Variants in SGK3 observed in about 807,000 individuals in gnomAD.
SGK3 encodes serine/threonine-protein kinase Sgk3.
In SGK3, 47 loss-of-function variants were observed where a neutral mutation model predicts 68.5. That is an observed-to-expected ratio of 0.69 (90% confidence interval 0.54 to 0.87). The LOEUF (loss-of-function observed/expected upper bound fraction) is 0.87. Among genes scored for constraint, SGK3 ranks in the 40% least tolerant of loss-of-function variants. The probability of loss-of-function intolerance (pLI) is 0.00; values close to 1 mark genes in which losing one functional copy is unlikely to be tolerated. For synonymous variants in SGK3, 181 were observed against 189.1 expected, an observed-to-expected ratio of 0.96 and a Z score of 0.35; for missense variants, 479 against 575.5, an observed-to-expected ratio of 0.83 and a Z score of 1.72.
intron 4 of SGK3, among the ~76,000 whole-genome samples, 174 bp downstream of exon 4, chr8:66,804,621 A>C (rs762661427): frequency 1.3e-5 from 2 of 152,220 alleles, no homozygotes; most frequent in Non-Finnish European, 2.9e-5. Context: ...TAAGTACTTC[A>C]TGTGTTTTAA....
chr8:66,790,437 A>G (rs528116639), intron 1 of SGK3, among the ~76,000 whole-genome samples: 6 of 152,336 alleles, frequency 3.9e-5, no homozygotes, highest in African/African-American at 1.4e-4. Context: ...GGGGTTCAGC[A>G]TTCTTAGCCT....
intron 4 of SGK3, among the ~76,000 whole-genome samples, chr8:66,807,609 CA>C (rs34796708): frequency 3.2e-4 from 48 of 152,204 alleles, no homozygotes; most frequent in Admixed American, 7.2e-4. Flanking sequence ...AAGTCAAATT[CA>C]GAAAAACAGA....
intron 1 of SGK3, among the ~76,000 whole-genome samples, chr8:66,780,670 CGAGA>C (rs2130524815): frequency 6.6e-6 from 1 of 152,166 alleles, no homozygotes; most frequent in East Asian, 1.9e-4. Context: ...AACACAGAGG[CGAGA>C]GGCCCTGGTG....
At position 66,845,693 on chromosome 8, in the gene SGK3, C is replaced by CTTATTTATTTAT. The variant is rs59371496; in HGVS notation, c.1075-1467_1075-1456dup. Among the ~76,000 whole-genome samples the CTTATTTATTTAT allele has an allele frequency of 5.8e-3, 805 of 139,830 alleles. 5 individuals are homozygous for CTTATTTATTTAT. The highest frequency in any genetic ancestry group is 7.7e-3 in the Admixed American group (106 of 13,722). The allele number at this position is 139,830 out of a possible 152,430, so 91.7% of individuals were successfully genotyped here. A position where few individuals can be genotyped will look rare whatever the true frequency, so the allele number is the denominator to read the frequency against. On this transcript the variant is annotated intron_variant, in intron 14 of 16. Transcript: ENST00000521198. ...GGCATGCACCACCCCACCTAGCTTGCTTATTTATTTATTTATTTATTTATT... is the reference window on the plus strand; with the variant it reads ...GGCATGCACCACCCCACCTAGCTTGCTTATTTATTTATTTATTTATTTATTTATTTATTTATT...
intron 1 of SGK3, among the ~76,000 whole-genome samples, chr8:66,779,587 T>G (rs1345119647): frequency 1.8e-4 from 25 of 135,840 alleles, no homozygotes; most frequent in African/African-American, 6.0e-4. Context: ...TATATATATA[T>G]ATATATATAT....
intron 16 of SGK3, among the ~76,000 whole-genome samples, chr8:66,852,223 G>A (rs552032224): frequency 4.7e-5 from 7 of 149,678 alleles, no homozygotes; most frequent in Non-Finnish European, 8.9e-5. Flanking sequence ...GATCATAGGT[G>A]AATTTATTTT....
chr8:66,843,575 A>C (rs748924139), intron 14 of SGK3, 28 bp downstream of exon 14: 1 of 1,594,402 alleles, frequency 6.3e-7, no homozygotes, highest in East Asian at 2.2e-5. Context: ...TCATTATTCC[A>C]ATGTATTATC....
chr8:66,815,211 A>T (rs1432122068), intron 5 of SGK3, among the ~76,000 whole-genome samples: 1 of 152,156 alleles, frequency 6.6e-6, no homozygotes, highest in Non-Finnish European at 1.5e-5. Flanking sequence ...GAATTTACTA[A>T]ATTACTAAAA....
intron 5 of SGK3, among the ~76,000 whole-genome samples, chr8:66,820,690 T>G (rs953078737): frequency 6.6e-6 from 1 of 152,054 alleles, no homozygotes; most frequent in African/African-American, 2.4e-5. Flanking sequence ...TTTTTATTTT[T>G]ATTTTTTTCC....
intron 4 of SGK3, among the ~76,000 whole-genome samples, chr8:66,812,943 C>G (rs141917879): frequency 6.6e-6 from 1 of 152,126 alleles, no homozygotes; most frequent in Non-Finnish European, 1.5e-5. Context: ...CAATTATCAA[C>G]AAACAAAACA....
chr8:66,751,188 G>C (rs2130431835), intron 1 of SGK3, among the ~76,000 whole-genome samples: 1 of 152,172 alleles, frequency 6.6e-6, no homozygotes, highest in African/African-American at 2.4e-5. Context: ...TGTAGTCCCA[G>C]CTACTCAGGA....
intron 1 of SGK3, chr8:66,768,042 AT>A (rs747292786): frequency 1.6e-6 from 1 of 638,428 alleles, no homozygotes; most frequent in Admixed American, 2.4e-5. Flanking sequence ...ATTTAAGTAT[AT>A]ATCTTTAATT....
rs375885293 is a variant in SGK3 at position 66,809,181 on chromosome 8, CT to C, written c.254-4670del. Among the ~76,000 whole-genome samples, 443 of 152,086 alleles carry C rather than the reference CT, an allele frequency of 2.9e-3. 3 individuals carry two copies. The highest frequency in any genetic ancestry group is 0.01 in the African/African-American group (432 of 41,500). On this transcript the variant is annotated intron_variant, in intron 4 of 16. Coordinates refer to ENST00000521198, the MANE Select transcript of SGK3 (RefSeq NM_001033578.3). ...CCTGGCTCATAATTTATTTTTTTAC[CT>C]TAGTAAAAATATTTTCTAGCACTCT... is the stretch of plus-strand genomic sequence containing the variant.
chr8:66,855,891 T>G (rs1810488843), intron 16 of SGK3, among the ~76,000 whole-genome samples: 1 of 152,228 alleles, frequency 6.6e-6, no homozygotes, highest in Non-Finnish European at 1.5e-5. Flanking sequence ...GTACTTTACA[T>G]GTATCCTTTT....
rs1308905179 is a variant in SGK3, at chr8:66,847,353, G to A, written c.1230+5G>A. 6.2e-7 allele frequency: 1 copy of A among 1,610,030 alleles called. No homozygotes were observed. Among genetic ancestry groups the A allele is most frequent in the Non-Finnish European group, 8.5e-7 (1 of 1,178,972 alleles). On this transcript the variant is annotated splice_donor_5th_base_variant and intron_variant, in intron 15 of 16. Coordinates refer to ENST00000521198, the MANE Select transcript of SGK3 (RefSeq NM_001033578.3). The stretch of plus-strand genomic sequence containing the variant: ...CTTGGTGCCAAGGAAGACTTTGTAT[G>A]TAACAGCTTTTCTAGCTCCAGCTTT...
At chr8:66,820,338 G>A (rs182158916) in intron 5 of SGK3, among the ~76,000 whole-genome samples, 44 of 152,148 alleles carry the variant, frequency 2.9e-4, no homozygotes, top group Admixed American at 1.2e-3. Context: ...TGTTCATTTA[G>A]CATAATATTT....
intron 1 of SGK3, among the ~76,000 whole-genome samples, chr8:66,751,088 A>G (rs1805802914): frequency 6.6e-6 from 1 of 152,120 alleles, no homozygotes; most frequent in African/African-American, 2.4e-5. Flanking sequence ...TCACGAGGTC[A>G]GGAGATCGAG....
chr8:66,847,187 T>C lies in SGK3; in HGVS notation c.1075-6T>C. ...CTAAGTTTATTTTGCTTTTTTTTTT[T>C]TCCAGCCTCCTTTTTATTGCCGAGA... is the stretch of plus-strand genomic sequence containing the variant. On this transcript the variant is annotated splice_region_variant and splice_polypyrimidine_tract_variant and intron_variant, in intron 14 of 16. Coordinates refer to ENST00000521198, the MANE Select transcript of SGK3 (RefSeq NM_001033578.3). 6.3e-7 allele frequency: 1 copy of C among 1,586,138 alleles called. No homozygotes were observed. Among genetic ancestry groups the C allele is most frequent in the Non-Finnish European group, 8.5e-7 (1 of 1,171,182 alleles).
chr8:66,811,908 T>C (rs1270965046), intron 4 of SGK3, among the ~76,000 whole-genome samples: 1 of 152,248 alleles, frequency 6.6e-6, no homozygotes, highest in Non-Finnish European at 1.5e-5. Flanking sequence ...CTAGTGACAT[T>C]ATAAATGTCC....
Sources: gnomAD v4.1 joint callset for allele counts (sites outside exome capture counted in the v4.1 genomes callset) on GRCh38, gnomAD v4.1.1 for gene constraint, MANE v1.5 for transcripts, NCBI Gene and HGNC (gene_info 2026-07-23, HGNC 2026-07-21) for gene names.